The following WDR47 variants were observed in gnomAD, a reference collection of about 807,000 sequenced individuals.
WDR47 encodes the protein WD repeat-containing protein 47.
WDR47 carries 32 observed loss-of-function variants against 97.2 expected under a neutral mutation model. The ratio of observed to expected loss-of-function variants is 0.33; its 90% CI spans 0.25 to 0.44. The LOEUF is 0.44. Ranked by LOEUF, WDR47 falls within the 20% of genes least tolerant of loss-of-function variation. WDR47 has a pLI of 1.00. For missense variants in WDR47, 782 were observed against 1,102.3 expected, an observed-to-expected ratio of 0.71 and a Z score of 4.11; for synonymous variants, 375 against 373.5, an observed-to-expected ratio of 1.00 and a Z score of -0.05.
At chr1:108,992,220 G>C in intron 8 of WDR47, 1 of 805,494 alleles carries the variant, frequency 1.2e-6, no homozygotes, top group South Asian at 1.4e-5. Context: ...AGACCTCTTA[G>C]AAAATTAAAA....
intron 3 of WDR47, among the ~76,000 whole-genome samples, chr1:109,014,191 T>C (rs1661240232): frequency 6.6e-6 from 1 of 152,134 alleles, no homozygotes; most frequent in African/African-American, 2.4e-5. Flanking sequence ...AATCAAGTCT[T>C]ATATCCAAAA....
chr1:109,010,434 G>A (rs985153284), intron 5 of WDR47, among the ~76,000 whole-genome samples: 5 of 151,780 alleles, frequency 3.3e-5, no homozygotes, highest in South Asian at 2.1e-4. Context: ...GGTGTGTGCC[G>A]GTAGTCCCAG....
rs545260692 is a variant in WDR47 at position 108,971,262 on chromosome 1, C to G, written c.*168G>C. 16 of 885,040 alleles carry G rather than the reference C, an allele frequency of 1.8e-5. No homozygotes were observed. In the African/African-American group the frequency reaches 2.5e-4, roughly 14 times the overall value. 54.8% of individuals were successfully genotyped at this position (885,040 alleles called of 1,614,324 possible). A position where few individuals can be genotyped will look rare whatever the true frequency, so the allele number is the denominator to read the frequency against. On this transcript the variant is annotated 3_prime_UTR_variant, in exon 15 of 15. Coordinates refer to ENST00000369962, the MANE Select transcript of WDR47 (RefSeq NM_001142551.2). Reference sequence around the variant, plus strand: ...CTCACATGGAAGACTGAAAGCACTGCGGAATAACACCACCCAACACCTCCT... The same window carrying G: ...CTCACATGGAAGACTGAAAGCACTGGGGAATAACACCACCCAACACCTCCT...
intron 8 of WDR47, among the ~76,000 whole-genome samples, chr1:108,991,960 G>T (rs1324963127): frequency 1.3e-5 from 2 of 151,998 alleles, no homozygotes; most frequent in African/African-American, 4.8e-5. Context: ...ACCACACCCA[G>T]CCAGCTTTTG....
chr1:108,980,843 T>C (rs763684383), intron 13 of WDR47, among the ~76,000 whole-genome samples: 12 of 151,876 alleles, frequency 7.9e-5, no homozygotes, highest in Non-Finnish European at 1.5e-4. Flanking sequence ...GGTGGTACAA[T>C]GCAGCCAGGA....
intron 6 of WDR47, among the ~76,000 whole-genome samples, chr1:109,002,861 G>C (rs1464610329): frequency 6.6e-6 from 1 of 152,124 alleles, no homozygotes; most frequent in Non-Finnish European, 1.5e-5. Context: ...GGGGTAAAAA[G>C]GGAATGTTTA....
chr1:109,039,044 T>C (rs1663157310), intron 1 of WDR47, among the ~76,000 whole-genome samples: 1 of 152,128 alleles, frequency 6.6e-6, no homozygotes, highest in African/African-American at 2.4e-5. Context: ...AGATCAATTA[T>C]GTTAAACATA....
At chr1:108,983,716 C>T (rs988768369) in intron 10 of WDR47, among the ~76,000 whole-genome samples, 1 of 151,614 alleles carries the variant, frequency 6.6e-6, no homozygotes, top group Admixed American at 6.6e-5. Flanking sequence ...ATCTCCGTTT[C>T]TCATATTTTT....
Position 108,995,849 on chromosome 1 carries a change from A to T in WDR47, c.1434-12T>A. 6.2e-7 allele frequency: 1 copy of T among 1,609,760 alleles called. No homozygotes were observed. On this transcript the variant is annotated splice_polypyrimidine_tract_variant and intron_variant, in intron 7 of 14. Transcript: ENST00000369962. ...GCTTTTGAATGGACCTATAAAATTAAACAATGTAATCATTTTAAAATAAAA... is the reference window on the plus strand; with the variant it reads ...GCTTTTGAATGGACCTATAAAATTATACAATGTAATCATTTTAAAATAAAA...
chr1:109,025,569 A>G (rs1662154592), intron 1 of WDR47, among the ~76,000 whole-genome samples: 1 of 152,008 alleles, frequency 6.6e-6, no homozygotes, highest in Non-Finnish European at 1.5e-5. Flanking sequence ...CCCCACCTCT[A>G]CTAAAAATAC....
intron 8 of WDR47, chr1:108,992,746 G>A: frequency 1.3e-6 from 2 of 1,595,692 alleles, no homozygotes; most frequent in Non-Finnish European, 8.5e-7. Context: ...AAAAGGAACA[G>A]ATTGTTCCTA....
rs184291050 is a variant in WDR47 at position 108,973,228 on chromosome 1, C to G, written c.2617+1308G>C. Reference sequence around the variant, plus strand: ...AAATAGCCTTCCCCCTGCAGTGAGCCAAGATGCACCACTGCACTCCAGCCT... The same window carrying G: ...AAATAGCCTTCCCCCTGCAGTGAGCGAAGATGCACCACTGCACTCCAGCCT... On this transcript the variant is annotated intron_variant, in intron 14 of 14. Coordinates refer to ENST00000369962, the MANE Select transcript of WDR47 (RefSeq NM_001142551.2). Among the ~76,000 whole-genome samples, 320 of 149,982 alleles carry G rather than the reference C, an allele frequency of 2.1e-3. 2 individuals carry two copies. Among genetic ancestry groups the G allele is most frequent in the African/African-American group, 6.5e-3 (264 of 40,854 alleles).
intron 5 of WDR47, among the ~76,000 whole-genome samples, chr1:109,009,947 G>A (rs924182190): frequency 2.6e-5 from 4 of 151,696 alleles, no homozygotes; most frequent in African/African-American, 4.8e-5. Flanking sequence ...GCAGTGAGCC[G>A]AGACCGTGCC....
chr1:108,992,227 A>C, intron 8 of WDR47: 1 of 817,468 alleles, frequency 1.2e-6, no homozygotes, highest in Admixed American at 1.8e-5. Flanking sequence ...TTAGAAAATT[A>C]AAATATGATG....
Position 108,996,592 on chromosome 1 carries a change from G to T in WDR47, c.1434-755C>A, listed in dbSNP as rs569055135. Among the ~76,000 whole-genome samples the T allele has an allele frequency of 4.6e-5, 7 of 152,278 alleles. No individual in the cohort carries two copies. The South Asian group carries it at 1.2e-3, about 27-fold the overall frequency. On this transcript the variant is annotated intron_variant, in intron 7 of 14. Transcript: ENST00000369962. The stretch of plus-strand genomic sequence containing the variant: ...TTGAGCAAGCCATGATGAGTAAAAA[G>T]TCAAATGGCATCCCTAATACTCCAC...
rs574284830 is a variant in WDR47 at position 109,030,060 on chromosome 1, G to C, written c.-9-6539C>G. The stretch of plus-strand genomic sequence containing the variant: ...TCTGGCAGTGACGACCTACCCACAG[G>C]AGAACATGCCTCTCGCAAAAGATCT... On this transcript the variant is annotated intron_variant, in intron 1 of 14. Coordinates refer to ENST00000369962, the MANE Select transcript of WDR47 (RefSeq NM_001142551.2). 3 of 576,018 alleles carry C rather than the reference G, an allele frequency of 5.2e-6. No homozygotes were observed. In the East Asian group the frequency reaches 9.2e-5, roughly 18 times the overall value. 35.7% of individuals were successfully genotyped at this position (576,018 alleles called of 1,614,324 possible).
intron 13 of WDR47, among the ~76,000 whole-genome samples, chr1:108,979,419 G>A (rs960801163): frequency 7.9e-5 from 12 of 152,184 alleles, no homozygotes; most frequent in African/African-American, 2.4e-4. Flanking sequence ...CCAGCCACTC[G>A]GGAAGCTAAG....
intron 12 of WDR47, 38 bp downstream of exon 12, chr1:108,982,571 C>A: frequency 6.5e-7 from 1 of 1,550,226 alleles, no homozygotes; most frequent in Non-Finnish European, 8.7e-7. Flanking sequence ...ACAGATTGAA[C>A]AAAAAGAAAA....
At chr1:108,998,614 G>A (rs949662070) in intron 7 of WDR47, among the ~76,000 whole-genome samples, 1 of 152,100 alleles carries the variant, frequency 6.6e-6, no homozygotes, top group African/African-American at 2.4e-5. Context: ...CCAATTATTA[G>A]TATTAATAAA....
Sources: allele counts gnomAD v4.1 joint callset (sites outside exome capture counted in the v4.1 genomes callset), GRCh38; gene constraint gnomAD v4.1.1; transcripts MANE v1.5; gene names NCBI Gene and HGNC (gene_info 2026-07-23, HGNC 2026-07-21).